LRRC4B: variants seen among roughly 807,000 people sequenced by gnomAD.
LRRC4B encodes the protein leucine-rich repeat-containing protein 4B.
Under a neutral mutation model 7.3 loss-of-function variants are expected in LRRC4B, and 1 was observed. The ratio of observed to expected loss-of-function variants is 0.14; its 90% CI spans 0.05 to 0.65. The LOEUF is 0.65. Ranked by LOEUF, LRRC4B falls within the 30% of genes least tolerant of loss-of-function variation. LRRC4B has a pLI of 0.84. For synonymous variants in LRRC4B, 500 were observed against 499.2 expected (o/e 1.00, Z -0.02); for missense variants, 730 against 1,041.6 (o/e 0.70, Z 4.12).
chr19:50,524,713 A>AT (rs1307962045), intron 2 of LRRC4B, among the ~76,000 whole-genome samples: 1 of 152,210 alleles, frequency 6.6e-6, no homozygotes, highest in Non-Finnish European at 1.5e-5. Context: ...CGATTGAGCC[A>AT]TTTTACACTC....
intron 1 of LRRC4B, among the ~76,000 whole-genome samples, chr19:50,549,981 C>T (rs536372576): frequency 6.6e-5 from 10 of 152,254 alleles, no homozygotes; most frequent in Middle Eastern, 3.4e-3. Context: ...TGTCCTGCCC[C>T]GCCATTTCCA....
At chr19:50,540,784 A>G (rs1026964202) in intron 2 of LRRC4B, among the ~76,000 whole-genome samples, 1 of 151,164 alleles carries the variant, frequency 6.6e-6, no homozygotes, top group African/African-American at 2.4e-5. Context: ...CCCAGATGGG[A>G]CCATCTAGTT....
chr19:50,526,278 G>A (rs890853250), intron 2 of LRRC4B, among the ~76,000 whole-genome samples: 2 of 152,080 alleles, frequency 1.3e-5, no homozygotes, highest in Admixed American at 6.6e-5. Context: ...GCAAGTCCCT[G>A]AGCCCAGCAG....
In LRRC4B at chr19:50,553,248, T is replaced by C. The variant is rs1982162063; in HGVS notation, c.-35-4375A>G. On this transcript the variant is annotated intron_variant, in intron 1 of 2. Transcript: ENST00000652263. The surrounding 1 kb of genome is among the most constrained non-coding windows in gnomAD (Gnocchi z 4.2). ...GCCTTCACCCCCACTCCCCGTGCGT[T>C]CCCCACGGGCAGCGAGGGGTATCCT... Among the ~76,000 whole-genome samples the C allele has an allele frequency of 6.6e-6, 1 of 151,824 alleles. No individual in the cohort carries two copies. Among genetic ancestry groups the C allele is most frequent in the African/African-American group, 2.4e-5 (1 of 41,306 alleles).
chr19:50,551,380 G>A (rs1475913336), intron 1 of LRRC4B, among the ~76,000 whole-genome samples: 1 of 151,098 alleles, frequency 6.6e-6, no homozygotes, highest in East Asian at 2.0e-4. Flanking sequence ...CCCACCCCTG[G>A]GGGGGGCTGT....
At chr19:50,529,217 T>C (rs143295807) in intron 2 of LRRC4B, among the ~76,000 whole-genome samples, 1,796 of 152,214 alleles carry the variant, frequency 0.012, 15 homozygotes, top group Non-Finnish European at 0.015. Flanking sequence ...GTTAGGAGCC[T>C]GCACACTCCC....
chr19:50,557,047 C>G (rs9304702), intron 1 of LRRC4B, among the ~76,000 whole-genome samples: 68,824 of 151,738 alleles, frequency 0.45, 16,641 homozygotes, highest in African/African-American at 0.62. Flanking sequence ...ACTGGAGCGG[C>G]GCGGCTGGAG....
chr19:50,539,110 C>T (rs1326891171), intron 2 of LRRC4B, among the ~76,000 whole-genome samples: 2 of 148,648 alleles, frequency 1.3e-5, no homozygotes, highest in South Asian at 4.3e-4. Context: ...GAACTCCTGA[C>T]CTTGTGATCC....
At chr19:50,538,484 A>G (rs77277766) in intron 2 of LRRC4B, among the ~76,000 whole-genome samples, 1 of 152,166 alleles carries the variant, frequency 6.6e-6, no homozygotes, top group East Asian at 1.9e-4. Flanking sequence ...GGGTAATTTA[A>G]AAGCTATTCT....
chr19:50,544,697 T>C (rs1981723369), intron 2 of LRRC4B, among the ~76,000 whole-genome samples: 1 of 152,146 alleles, frequency 6.6e-6, no homozygotes, highest in Non-Finnish European at 1.5e-5. Context: ...CTTCCTGTTT[T>C]TACTTAGGTA....
Position 50,532,048 on chromosome 19 carries a change from C to A in LRRC4B, c.298-12633G>T, listed in dbSNP as rs146720307. On this transcript the variant is annotated intron_variant, in intron 2 of 2. Coordinates refer to ENST00000652263, the MANE Select transcript of LRRC4B (RefSeq NM_001080457.2). ...GACCAGCCTGTCCAACATGGTGAAA[C>A]CTCGTCTCTACTAAAACAACAACAA... Among the ~76,000 whole-genome samples, 599 of 152,156 alleles carry A rather than the reference C, an allele frequency of 3.9e-3. 4 individuals are homozygous for A. Among genetic ancestry groups the A allele is most frequent in the Non-Finnish European group, 6.6e-3 (449 of 68,002 alleles).
At chr19:50,523,993 C>A (rs1460603784) in intron 2 of LRRC4B, among the ~76,000 whole-genome samples, 1 of 151,538 alleles carries the variant, frequency 6.6e-6, no homozygotes, top group Non-Finnish European at 1.5e-5. Context: ...ATACTCCAAG[C>A]TTTTCTTAGT....
At chr19:50,567,378 C>T (rs1982664330) in intron 1 of LRRC4B, among the ~76,000 whole-genome samples, 1 of 151,754 alleles carries the variant, frequency 6.6e-6, no homozygotes, top group Non-Finnish European at 1.5e-5. Context: ...CCAATCACCC[C>T]CTCCGTCTTT....
chr19:50,563,559 C>T lies in LRRC4B; in HGVS notation c.-36+4385G>A, dbSNP rs1262795120. Among the ~76,000 whole-genome samples the T allele has an allele frequency of 4.6e-5, 7 of 152,140 alleles. 1 individual carries two copies. In the East Asian group the frequency reaches 7.7e-4, roughly 17 times the overall value. ...AGGCCCTCCCTCCAGAAACAGCGTC[C>T]GCATCCCAGGTCCTCTAAGGCAGCC... is the stretch of plus-strand genomic sequence containing the variant. On this transcript the variant is annotated intron_variant, in intron 1 of 2. Transcript: ENST00000652263. This position sits in a 1 kb window ranked among gnomAD's most constrained non-coding sequence, Gnocchi z 4.9.
chr19:50,566,463 G>A (rs1055598742), intron 1 of LRRC4B, among the ~76,000 whole-genome samples: 8 of 151,382 alleles, frequency 5.3e-5, no homozygotes, highest in Non-Finnish European at 1.0e-4. Context: ...CACCCCGACA[G>A]AAAGTCACCA....
In LRRC4B at chr19:50,517,638, T is replaced by C. The variant is rs372180585; in HGVS notation, c.2075A>G (p.Asn692Ser). The C allele has an allele frequency of 8.7e-6, 13 of 1,497,248 alleles. No individual in the cohort carries two copies. The highest frequency in any genetic ancestry group is 2.5e-5 in the East Asian group (1 of 40,306). 92.7% of individuals were successfully genotyped at this position (1,497,248 alleles called of 1,614,324 possible). Reference protein sequence around the residue: ...GCGGKGPPGLNSIHEPLLFKS... With the variant: ...GCGGKGPPGLSSIHEPLLFKS... ...GAAGAGCAGAGGTTCGTGGATGGAG[T>C]TGAGGCCAGGCGGGCCTTTGCCCCC... The change falls in exon 3 of 3, where the codon AAC (asparagine) becomes AGC (serine). Residue 692 changes from asparagine to serine, a missense_variant. Transcript: ENST00000652263. The surrounding 1 kb of genome is among the most constrained non-coding windows in gnomAD (Gnocchi z 6.6).
At position 50,518,747 on chromosome 19, in the gene LRRC4B, C is replaced by T. The variant is rs1980420555; in HGVS notation, c.966G>A (p.Leu322=). The part of the protein sequence containing the change: ...PWHCNCDVLW[L]SWWLKETVPS... ...GCACCGTCTCCTTGAGCCACCAGCT[C>T]AGCCAGAGCACGTCGCAGTTGCAAT... The change falls in exon 3 of 3, where the codon CTG becomes CTA. Residue 322 remains leucine, a synonymous_variant. Transcript: ENST00000652263. 2 of 1,614,052 alleles carry T rather than the reference C, an allele frequency of 1.2e-6. No homozygotes were observed. The highest frequency in any genetic ancestry group is 8.5e-7 in the Non-Finnish European group (1 of 1,179,978).
In LRRC4B at chr19:50,556,976, A is replaced by G. The variant is rs748113500; in HGVS notation, c.-35-8103T>C. ...CGGGGGGGCCCTCCTTCCTCTCACA[A>G]CGGGCTGTGACAACAGAGGGGCAGG... On this transcript the variant is annotated intron_variant, in intron 1 of 2. Coordinates refer to ENST00000652263, the MANE Select transcript of LRRC4B (RefSeq NM_001080457.2). This position sits in a 1 kb window ranked among gnomAD's most constrained non-coding sequence, Gnocchi z 4.2. 6.6e-6 allele frequency among the ~76,000 whole-genome samples: 1 copy of G among 151,832 alleles called. No individual in the cohort carries two copies. Among genetic ancestry groups the G allele is most frequent in the African/African-American group, 2.4e-5 (1 of 41,314 alleles).
Position 50,568,344 on chromosome 19 carries a change from C to G in LRRC4B, c.-436G>C, listed in dbSNP as rs1422803221. On this transcript the variant is annotated 5_prime_UTR_variant, in exon 1 of 3. Transcript: ENST00000652263. ...CCGCTCTCCCCCCACCCCACCCCCC[C>G]CCAGGCCCCGGCCCCGGCCCCGGCC... Among the ~76,000 whole-genome samples, 4 of 138,684 alleles carry G rather than the reference C, an allele frequency of 2.9e-5. No individual in the cohort carries two copies. Among genetic ancestry groups the G allele is most frequent in the South Asian group, 2.3e-4 (1 of 4,264 alleles). The allele number at this position is 138,684 out of a possible 152,430, so 91.0% of individuals were successfully genotyped here. A position where few individuals can be genotyped will look rare whatever the true frequency, so the allele number is the denominator to read the frequency against.
Sources: allele counts gnomAD v4.1 joint callset (sites outside exome capture counted in the v4.1 genomes callset), GRCh38; gene constraint gnomAD v4.1.1; non-coding constraint Gnocchi (gnomAD v3.1); transcripts MANE v1.5; gene names NCBI Gene and HGNC (gene_info 2026-07-23, HGNC 2026-07-21).